The following PAX3 variants were observed in gnomAD, a reference collection of about 807,000 sequenced individuals.
The protein encoded by PAX3 is paired box protein Pax-3.
PAX3 carries 14 observed loss-of-function variants against 51.6 expected under a neutral mutation model. The observed-to-expected ratio is 0.27, with a 90% CI of 0.18 to 0.42. The LOEUF is 0.42. PAX3 is among the 10% of genes least tolerant of loss of function. PAX3 has a pLI of 1.00. For synonymous variants in PAX3, 280 were observed against 253.4 expected, an observed-to-expected ratio of 1.11 and a Z score of -1.00; for missense variants, 540 against 642.8, an observed-to-expected ratio of 0.84 and a Z score of 1.73.
At chr2:222,256,105 C>T (rs1483201214) in intron 4 of PAX3, among the ~76,000 whole-genome samples, 1 of 151,906 alleles carries the variant, frequency 6.6e-6, no homozygotes, top group Non-Finnish European at 1.5e-5. Flanking sequence ...TTAGCACCTA[C>T]CTTGAGGATG....
At chr2:222,247,461 A>G (rs894683436) in intron 4 of PAX3, among the ~76,000 whole-genome samples, 1 of 152,188 alleles carries the variant, frequency 6.6e-6, no homozygotes, top group African/African-American at 2.4e-5. Context: ...TTTAAAACCT[A>G]GAAATCACTT....
chr2:222,262,533 ACT>A (rs1693901879), intron 4 of PAX3: 2 of 151,892 alleles, frequency 1.3e-5, no homozygotes, highest in African/African-American at 4.8e-5. Context: ...TTTTTTCATC[ACT>A]CTTTGATTTC....
chr2:222,249,443 A>G (rs1354279800), intron 4 of PAX3, among the ~76,000 whole-genome samples: 1 of 152,182 alleles, frequency 6.6e-6, no homozygotes, highest in East Asian at 1.9e-4. Context: ...TTTACTCTTC[A>G]ACTTCCAGAG....
chr2:222,285,237 A>G (rs16863652), intron 4 of PAX3, among the ~76,000 whole-genome samples: 18,716 of 152,328 alleles, frequency 0.12, 1,503 homozygotes, highest in East Asian at 0.33. Flanking sequence ...TAATCATCAC[A>G]TTACATTTGA....
chr2:222,287,910 G>A (rs1168691696), intron 4 of PAX3, among the ~76,000 whole-genome samples: 1 of 152,144 alleles, frequency 6.6e-6, no homozygotes, highest in Non-Finnish European at 1.5e-5. Context: ...ACTGAAATGA[G>A]CACAAAGAAA....
At chr2:222,225,567 G>C (rs1028915096) in intron 5 of PAX3, among the ~76,000 whole-genome samples, 11 of 152,098 alleles carry the variant, frequency 7.2e-5, no homozygotes, top group African/African-American at 2.7e-4. Context: ...TCACATGTGT[G>C]CAATACAGAC....
intron 4 of PAX3, 70 bp from the exon 5 acceptor site, chr2:222,232,353 T>C: frequency 7.3e-7 from 1 of 1,369,886 alleles, no homozygotes. Context: ...TGAATCCAAG[T>C]TCTCTCTCCG....
At chr2:222,218,976 G>C (rs929024181) in intron 7 of PAX3, among the ~76,000 whole-genome samples, 7 of 152,068 alleles carry the variant, frequency 4.6e-5, no homozygotes, top group Non-Finnish European at 1.5e-5. Context: ...GCTGCTCACA[G>C]TTATCACTGT....
rs1691232921 is a variant in PAX3 at position 222,199,963 on chromosome 2, C to T, written c.*1445G>A. The T allele has an allele frequency of 5.2e-6, 1 of 191,730 alleles. No individual in the cohort carries two copies. The highest frequency in any genetic ancestry group is 6.1e-5 in the Admixed American group (1 of 16,266). 11.9% of individuals were successfully genotyped at this position (191,730 alleles called of 1,614,324 possible). ...TTTTACATGAAAGACATTTTTACAA[C>T]ACATTGTTGTTGGTTGAGGCTGCAA... On this transcript the variant is annotated 3_prime_UTR_variant, in exon 9 of 9. Coordinates refer to ENST00000392070, the MANE Select transcript of PAX3 (RefSeq NM_181458.4).
rs760533411 is a variant in PAX3 at position 222,221,302 on chromosome 2, C to A, written c.878G>T (p.Gly293Val). Residue 293 changes from glycine to valine, a missense_variant, in exon 6 of 9, where the codon GGG (glycine) becomes GTG (valine). This residue lies in a region of PAX3 where 427 missense variants were observed against 483.6 expected (regional missense o/e 0.88). Transcript: ENST00000392070. ...GGTCGGCATGGCAGTGGGAGGGAACCCCCCGGGAATGAGATGGTTGAAAGC... is the reference window on the plus strand; with the variant it reads ...GGTCGGCATGGCAGTGGGAGGGAACACCCCGGGAATGAGATGGTTGAAAGC... The part of the protein sequence containing the change: ...LMAFNHLIPG[G>V]FPPTAMPTLP... 3 of 1,614,014 alleles carry A rather than the reference C, an allele frequency of 1.9e-6. No homozygotes were observed. The highest frequency in any genetic ancestry group is 2.5e-6 in the Non-Finnish European group (3 of 1,179,938).
At chr2:222,280,410 G>T (rs990717729) in intron 4 of PAX3, among the ~76,000 whole-genome samples, 3 of 125,524 alleles carry the variant, frequency 2.4e-5, no homozygotes, top group Admixed American at 1.7e-4. Context: ...AAGAAAGAAA[G>T]AAAAAAGAAA....
chr2:222,256,861 T>A (rs1426657186), intron 4 of PAX3, among the ~76,000 whole-genome samples: 1 of 152,196 alleles, frequency 6.6e-6, no homozygotes, highest in African/African-American at 2.4e-5. Flanking sequence ...TTATTCTACC[T>A]CTAAAAAGAC....
intron 5 of PAX3, among the ~76,000 whole-genome samples, chr2:222,223,435 C>T (rs1442512587): frequency 1.3e-5 from 2 of 152,284 alleles, no homozygotes; most frequent in Middle Eastern, 3.4e-3. Flanking sequence ...ATTAACTGTG[C>T]TTTCTCACTG....
chr2:222,222,012 A>G (rs1011058009), intron 5 of PAX3, among the ~76,000 whole-genome samples: 2 of 152,104 alleles, frequency 1.3e-5, no homozygotes, highest in Non-Finnish European at 2.9e-5. Flanking sequence ...TATCTAAAAT[A>G]ATTCATTTGT....
At chr2:222,215,522 G>C (rs1234615683) in intron 7 of PAX3, among the ~76,000 whole-genome samples, 1 of 151,856 alleles carries the variant, frequency 6.6e-6, no homozygotes, top group Non-Finnish European at 1.5e-5. Context: ...ATAAAAGTTT[G>C]TTAATTTAAT....
chr2:222,260,251 T>A (rs1268016441), intron 4 of PAX3, among the ~76,000 whole-genome samples: 4 of 149,040 alleles, frequency 2.7e-5, no homozygotes, highest in African/African-American at 9.8e-5. Context: ...TAAGACTACA[T>A]GTGAAAAAAA....
At chr2:222,257,868 C>T (rs1039863140) in intron 4 of PAX3, among the ~76,000 whole-genome samples, 14 of 152,164 alleles carry the variant, frequency 9.2e-5, no homozygotes, top group African/African-American at 3.1e-4. Flanking sequence ...TGCATCGTCC[C>T]GGCTCAGGGA....
intron 5 of PAX3, among the ~76,000 whole-genome samples, chr2:222,227,742 A>C (rs1692439573): frequency 6.6e-6 from 1 of 152,146 alleles, no homozygotes; most frequent in South Asian, 2.1e-4. Flanking sequence ...AAAAAAAAAA[A>C]ACCTTGTAGT....
chr2:222,249,699 C>A (rs540990356), intron 4 of PAX3, among the ~76,000 whole-genome samples: 15 of 152,252 alleles, frequency 9.9e-5, no homozygotes, highest in African/African-American at 3.4e-4. Flanking sequence ...GAAGCCCTTG[C>A]CCCCGGGGTC....
Sources: gnomAD v4.1 joint callset for allele counts (sites outside exome capture counted in the v4.1 genomes callset) on GRCh38, gnomAD v4.1.1 for gene constraint, gnomAD v4.1.1 regional missense constraint, MANE v1.5 for transcripts, NCBI Gene and HGNC (gene_info 2026-07-23, HGNC 2026-07-21) for gene names.